Variants in PPP1R2 observed in about 807,000 individuals in gnomAD.
The protein encoded by PPP1R2 is protein phosphatase inhibitor 2.
A neutral mutation model predicts 29.9 loss-of-function variants in PPP1R2; 16 were observed. The ratio of observed to expected loss-of-function variants is 0.53; its 90% CI spans 0.36 to 0.81. The LOEUF (loss-of-function observed/expected upper bound fraction) is 0.81. Among genes scored for constraint, PPP1R2 ranks in the 30% least tolerant of loss-of-function variants. The probability of loss-of-function intolerance (pLI) is 0.00; values close to 1 mark genes in which losing one functional copy is unlikely to be tolerated. For missense variants in PPP1R2, 197 were observed against 252.7 expected, an observed-to-expected ratio of 0.78 and a Z score of 1.49; for synonymous variants, 76 against 91.5, an observed-to-expected ratio of 0.83 and a Z score of 0.96.
rs538568030 is a variant in PPP1R2 at position 195,543,063 on chromosome 3, T to C, written c.-38A>G. 11 of 1,579,960 alleles carry C rather than the reference T, an allele frequency of 7.0e-6. No individual in the cohort carries two copies. The highest frequency in any genetic ancestry group is 8.6e-6 in the Non-Finnish European group (10 of 1,163,916). On this transcript the variant is annotated 5_prime_UTR_variant, in exon 1 of 6. Transcript: ENST00000618156. ...CGGCTGTCGGCTCAGGGTCGCTGCT[T>C]GGCGTGGGGTCCGCGAAGAGAAGGG... is the stretch of plus-strand genomic sequence containing the variant.
chr3:195,528,867 CTTT>C (rs755404825), intron 2 of PPP1R2: 33 of 134,214 alleles, frequency 2.5e-4, no homozygotes, highest in South Asian at 4.8e-4. Flanking sequence ...AAGGTATTAT[CTTT>C]TTTTTTTTTT....
intron 1 of PPP1R2, among the ~76,000 whole-genome samples, chr3:195,532,808 T>C (rs1418357045): frequency 6.6e-6 from 1 of 152,172 alleles, no homozygotes; most frequent in Non-Finnish European, 1.5e-5. Flanking sequence ...CCTTAAAAGT[T>C]AGTTATGTCA....
rs1719008518 is a variant in PPP1R2 at position 195,527,321 on chromosome 3, G to A, written c.231-2425C>T. 2.0e-5 allele frequency among the ~76,000 whole-genome samples: 3 copies of A among 151,932 alleles called. No individual in the cohort carries two copies. In the South Asian group the frequency reaches 6.2e-4, roughly 32 times the overall value. ...AAAAACTAGCCAGGCGTGGTAGTGG[G>A]TGCCTGTAATCCCAGCTACTTGGGA... On this transcript the variant is annotated intron_variant, in intron 2 of 5. Coordinates refer to ENST00000618156, the MANE Select transcript of PPP1R2 (RefSeq NM_006241.8).
intron 5 of PPP1R2, among the ~76,000 whole-genome samples, chr3:195,517,180 T>C (rs1000239918): frequency 6.6e-6 from 1 of 152,190 alleles, no homozygotes; most frequent in African/African-American, 2.4e-5. Context: ...TGAACATTTC[T>C]GTAAGTCACA....
At position 195,515,292 on chromosome 3, in the gene PPP1R2, G is replaced by C. The variant is rs1218050507; in HGVS notation, c.*1604C>G. 6.5e-6 allele frequency: 1 copy of C among 152,794 alleles called. No homozygotes were observed. Among genetic ancestry groups the C allele is most frequent in the Non-Finnish European group, 1.5e-5 (1 of 67,998 alleles). 9.5% of individuals were successfully genotyped at this position (152,794 alleles called of 1,614,324 possible). ...ATCTCATTCAAAAAATCAAAATAATGGCCACATTCTTCTAACAGCAAGGAA... is the reference window on the plus strand; with the variant it reads ...ATCTCATTCAAAAAATCAAAATAATCGCCACATTCTTCTAACAGCAAGGAA... On this transcript the variant is annotated 3_prime_UTR_variant, in exon 6 of 6. Coordinates refer to ENST00000618156, the MANE Select transcript of PPP1R2 (RefSeq NM_006241.8).
intron 1 of PPP1R2, among the ~76,000 whole-genome samples, chr3:195,542,412 C>T (rs1335335205): frequency 6.6e-6 from 1 of 152,148 alleles, no homozygotes; most frequent in Non-Finnish European, 1.5e-5. Flanking sequence ...AACTAGAAAG[C>T]ACCCAAAACT....
intron 1 of PPP1R2, among the ~76,000 whole-genome samples, 184 bp downstream of exon 1, chr3:195,542,720 A>G (rs1321481970): frequency 6.6e-6 from 1 of 150,992 alleles, no homozygotes; most frequent in African/African-American, 2.4e-5. Flanking sequence ...AAAAAAAGGA[A>G]GCATGATAAA....
At chr3:195,517,469 C>A (rs1044539868) in intron 5 of PPP1R2, among the ~76,000 whole-genome samples, 6 of 152,076 alleles carry the variant, frequency 3.9e-5, no homozygotes, top group African/African-American at 1.4e-4. Context: ...AAGTCTTATC[C>A]TATTCTTGTG....
intron 1 of PPP1R2, among the ~76,000 whole-genome samples, chr3:195,537,498 T>TGTGTGTGTGTGC (rs1719437969): frequency 1.5e-5 from 2 of 137,914 alleles, no homozygotes; most frequent in African/African-American, 5.0e-5. Flanking sequence ...TGTGTGTGTG[T>TGTGTGTGTGTGC]GTGTGTGTGT....
chr3:195,533,044 T>C (rs1230239883), intron 1 of PPP1R2, among the ~76,000 whole-genome samples: 1 of 152,182 alleles, frequency 6.6e-6, no homozygotes, highest in Non-Finnish European at 1.5e-5. Flanking sequence ...TCCTCAAGTG[T>C]TGCAAGTTTG....
At chr3:195,533,781 T>A (rs1038635396) in intron 1 of PPP1R2, among the ~76,000 whole-genome samples, 2 of 152,222 alleles carry the variant, frequency 1.3e-5, no homozygotes, top group Admixed American at 6.5e-5. Flanking sequence ...ATCTTTTATG[T>A]GAGTGCAGGA....
chr3:195,524,932 A>G (rs1197098000), intron 2 of PPP1R2, 36 bp from the exon 3 acceptor site: 15 of 1,573,164 alleles, frequency 9.5e-6, no homozygotes, highest in Non-Finnish European at 1.2e-5. Context: ...AATACCTGAA[A>G]CATACATTTT....
At chr3:195,529,950 C>A (rs1368317221) in intron 1 of PPP1R2, 49 bp from the exon 2 acceptor site, 1 of 1,314,182 alleles carries the variant, frequency 7.6e-7, no homozygotes, top group Non-Finnish European at 1.1e-6. Flanking sequence ...AAAAGATAAA[C>A]CTGAATATCA....
intron 3 of PPP1R2, among the ~76,000 whole-genome samples, chr3:195,524,380 G>C (rs1718882709): frequency 6.6e-6 from 1 of 152,178 alleles, no homozygotes; most frequent in Non-Finnish European, 1.5e-5. Context: ...AAATTAGCCA[G>C]GCTTGGTGGC....
chr3:195,520,559 C>A (rs1345589270), intron 4 of PPP1R2, among the ~76,000 whole-genome samples: 1 of 152,148 alleles, frequency 6.6e-6, no homozygotes, highest in Non-Finnish European at 1.5e-5. Flanking sequence ...CTGCAGTGAG[C>A]CGCGACTATG....
intron 1 of PPP1R2, among the ~76,000 whole-genome samples, chr3:195,534,514 G>A (rs1577580199): frequency 3.3e-5 from 5 of 152,290 alleles, no homozygotes; most frequent in Admixed American, 3.3e-4. Context: ...TGCCAATGCA[G>A]TAGGGTTTAT....
At chr3:195,542,618 C>T (rs1719637411) in intron 1 of PPP1R2, among the ~76,000 whole-genome samples, 2 of 152,014 alleles carry the variant, frequency 1.3e-5, no homozygotes. Flanking sequence ...AGTCGAAGAT[C>T]TGAAGCTTCA....
intron 2 of PPP1R2, among the ~76,000 whole-genome samples, chr3:195,528,540 C>T (rs991837148): frequency 2.6e-5 from 4 of 152,014 alleles, no homozygotes; most frequent in Non-Finnish European, 5.9e-5. Context: ...ACTTAAAATA[C>T]AGTAGTTCTT....
rs980332221 is a variant in PPP1R2 at position 195,534,073 on chromosome 3, G to C, written c.123-4172C>G. On this transcript the variant is annotated intron_variant, in intron 1 of 5. Transcript: ENST00000618156. ...GCTCACACCTGTAATCCCACACTTT[G>C]GGAGGCTGAGGCAGGAGGATCTCTT... 3.3e-5 allele frequency among the ~76,000 whole-genome samples: 5 copies of C among 152,188 alleles called. 1 individual carries two copies. The highest frequency in any genetic ancestry group is 7.4e-5 in the Non-Finnish European group (5 of 68,026).
Sources: allele counts gnomAD v4.1 joint callset (sites outside exome capture counted in the v4.1 genomes callset), GRCh38; gene constraint gnomAD v4.1.1; transcripts MANE v1.5; gene names NCBI Gene and HGNC (gene_info 2026-07-23, HGNC 2026-07-21).